Variants in PLCH1 observed in about 807,000 individuals in gnomAD.
PLCH1 encodes the protein phospholipase C eta 1.
A neutral mutation model predicts 126.7 loss-of-function variants in PLCH1; 60 were observed. The observed-to-expected ratio is 0.47, with a 90% CI of 0.38 to 0.59. The LOEUF (loss-of-function observed/expected upper bound fraction) is 0.59. Ranked by LOEUF, PLCH1 falls within the 20% of genes least tolerant of loss-of-function variation. PLCH1 has a pLI of 0.00. For synonymous variants in PLCH1, 719 were observed against 734.9 expected (o/e 0.98, Z 0.35); for missense variants, 1,723 against 2,040.0 (o/e 0.84, Z 2.99).
At chr3:155,486,344 C>CTCAT (rs1715089070) in intron 21 of PLCH1, 1 of 603,546 alleles carries the variant, frequency 1.7e-6, no homozygotes, top group South Asian at 2.0e-5. Flanking sequence ...TAGTCTTATG[C>CTCAT]TCATTCATTG....
chr3:155,735,058 AT>A (rs1749073028), intron 1 of PLCH1, among the ~76,000 whole-genome samples: 1 of 152,162 alleles, frequency 6.6e-6, no homozygotes, highest in Non-Finnish European at 1.5e-5. Flanking sequence ...AAATCCTATC[AT>A]TTGCAACATG....
intron 6 of PLCH1, among the ~76,000 whole-genome samples, chr3:155,581,749 CTTT>C (rs55649426): frequency 7.1e-6 from 1 of 141,508 alleles, no homozygotes. Context: ...CTCTTTTTTC[CTTT>C]TTTTTTTTTT....
chr3:155,503,540 T>C (rs1379604562), intron 13 of PLCH1, among the ~76,000 whole-genome samples: 1 of 151,532 alleles, frequency 6.6e-6, no homozygotes, highest in Non-Finnish European at 1.5e-5. Flanking sequence ...CTTCTGTCTT[T>C]TTTTTTTTTT....
chr3:155,510,831 G>T (rs1719348009), intron 12 of PLCH1, among the ~76,000 whole-genome samples: 1 of 94,072 alleles, frequency 1.1e-5, no homozygotes, highest in Non-Finnish European at 1.9e-5. Flanking sequence ...ACAATTATGT[G>T]TCTTGGAGTT....
rs777162033 is a variant in PLCH1 at position 155,482,233 on chromosome 3, T to C, written c.3793A>G (p.Thr1265Ala). Residue 1265 changes from threonine to alanine, a missense_variant, in exon 23 of 23, where the codon ACA (threonine) becomes GCA (alanine). Physicochemically the swap from Thr to Ala is moderately conservative, Grantham distance 58. Transcript: ENST00000460012. ...GGAGTGCAGGTAGTTTCATAAACTG[T>C]GTTCGTTGCATGTTTGGTGGTCTCA... Reference protein sequence around the residue: ...SSETTKHATNTVYETTCTPIS... With the variant: ...SSETTKHATNAVYETTCTPIS... The C allele has an allele frequency of 6.2e-7, 1 of 1,614,072 alleles. No homozygotes were observed. The highest frequency in any genetic ancestry group is 8.5e-7 in the Non-Finnish European group (1 of 1,180,032).
chr3:155,664,317 C>T (rs1320058732), intron 2 of PLCH1, among the ~76,000 whole-genome samples: 2 of 152,218 alleles, frequency 1.3e-5, no homozygotes, highest in East Asian at 3.8e-4. Context: ...AACTATAGGG[C>T]TCTAAAAAGA....
chr3:155,503,581 A>C (rs1304723839), intron 13 of PLCH1, among the ~76,000 whole-genome samples: 1 of 145,152 alleles, frequency 6.9e-6, no homozygotes, highest in Non-Finnish European at 1.5e-5. Flanking sequence ...CTTGTTGCCC[A>C]GGCTGGAGTG....
chr3:155,569,236 A>G (rs1728903716), intron 6 of PLCH1, among the ~76,000 whole-genome samples: 1 of 152,202 alleles, frequency 6.6e-6, no homozygotes, highest in Non-Finnish European at 1.5e-5. Context: ...ACAATCTAAC[A>G]TTGACATTTT....
chr3:155,568,472 T>A, intron 6 of PLCH1, 148 bp from the exon 7 acceptor site: 1 of 445,524 alleles, frequency 2.2e-6, no homozygotes, highest in East Asian at 3.5e-5. Context: ...TCACAGCTAT[T>A]TTATCTTTGG....
chr3:155,583,835 T>C (rs1198714847), intron 5 of PLCH1, among the ~76,000 whole-genome samples, 193 bp from the exon 6 acceptor site: 1 of 151,820 alleles, frequency 6.6e-6, no homozygotes. Context: ...CCAGAAAGTT[T>C]CAACAAATTA....
chr3:155,732,408 C>T (rs914527499), intron 1 of PLCH1, among the ~76,000 whole-genome samples: 5 of 151,358 alleles, frequency 3.3e-5, no homozygotes, highest in East Asian at 3.9e-4. Flanking sequence ...TAGATGAGGC[C>T]GGGTGCAGTG....
intron 17 of PLCH1, among the ~76,000 whole-genome samples, chr3:155,493,250 G>A (rs1234331493): frequency 6.6e-6 from 1 of 152,204 alleles, no homozygotes. Context: ...TGTGCAAAGT[G>A]TAAAATCTTG....
chr3:155,719,515 TA>T (rs1438011407), intron 1 of PLCH1, among the ~76,000 whole-genome samples: 1 of 151,604 alleles, frequency 6.6e-6, no homozygotes, highest in Non-Finnish European at 1.5e-5. Context: ...TAAAGTATAA[TA>T]AAAAAATTAA....
At chr3:155,673,964 A>T (rs962024476) in intron 2 of PLCH1, among the ~76,000 whole-genome samples, 3 of 152,218 alleles carry the variant, frequency 2.0e-5, no homozygotes, top group South Asian at 2.1e-4. Flanking sequence ...ACCATCTTAC[A>T]TATCTGGGGT....
chr3:155,470,045 C>A (rs1162077146), intron 21 of PLCH1, among the ~76,000 whole-genome samples: 1 of 152,172 alleles, frequency 6.6e-6, no homozygotes, highest in Admixed American at 6.5e-5. Flanking sequence ...GAACGCAGTT[C>A]CTCACCAGCA....
chr3:155,619,494 A>G (rs569281236), intron 2 of PLCH1, among the ~76,000 whole-genome samples: 33 of 105,464 alleles, frequency 3.1e-4, no homozygotes, highest in African/African-American at 1.5e-3. Context: ...AAAAACAGAA[A>G]AAGTAAAAAA....
Position 155,482,874 on chromosome 3 carries a change from G to A in PLCH1, c.3152C>T (p.Ser1051Leu). The A allele has an allele frequency of 1.9e-6, 3 of 1,614,140 alleles. No homozygotes were observed. The highest frequency in any genetic ancestry group is 2.5e-6 in the Non-Finnish European group (3 of 1,180,012). Residue 1051 changes from serine to leucine, a missense_variant, in exon 23 of 23, where the codon TCA (serine) becomes TTA (leucine). Physicochemically the swap from Ser to Leu is moderately radical, Grantham distance 145. Transcript: ENST00000460012. ...MSVTGEQLGM[S>L]SPRGGRTTSN... is the part of the protein sequence containing the mutation. ...TGTGGTTCTCCCACCCCTAGGACTTGACATGCCCAGCTGTTCTCCTGTGAC... is the reference window on the plus strand; with the variant it reads ...TGTGGTTCTCCCACCCCTAGGACTTAACATGCCCAGCTGTTCTCCTGTGAC...
At position 155,460,145 on chromosome 3, in the gene PLCH1, A is replaced by G. The variant is rs560537612; in HGVS notation, c.2938+25211T>C. ...TGATGAACATAGGATGATGCTGGACAGTATAATGGACAGTTGCAATTTCTA... is the reference window on the plus strand; with the variant it reads ...TGATGAACATAGGATGATGCTGGACGGTATAATGGACAGTTGCAATTTCTA... On this transcript the variant is annotated intron_variant, in intron 21 of 21. Transcript: ENST00000494598. 4.8e-4 allele frequency among the ~76,000 whole-genome samples: 73 copies of G among 152,342 alleles called. No homozygotes were observed. The South Asian group carries it at 0.015, about 31-fold the overall frequency.
chr3:155,546,779 G>T lies in PLCH1; in HGVS notation c.1362+3008C>A, dbSNP rs1371967811. 6.0e-5 allele frequency among the ~76,000 whole-genome samples: 9 copies of T among 149,778 alleles called. No individual in the cohort carries two copies. The East Asian group carries it at 1.6e-3, about 26-fold the overall frequency. ...TCTTTGACAAACCTGAGAAAAACAAGCAATGGGGAAAGGATTCCCTATTTA... is the reference window on the plus strand; with the variant it reads ...TCTTTGACAAACCTGAGAAAAACAATCAATGGGGAAAGGATTCCCTATTTA... On this transcript the variant is annotated intron_variant, in intron 10 of 22. Transcript: ENST00000460012.
Sources: allele counts gnomAD v4.1 joint callset (sites outside exome capture counted in the v4.1 genomes callset), GRCh38; gene constraint gnomAD v4.1.1; transcripts MANE v1.5; gene names NCBI Gene and HGNC (gene_info 2026-07-23, HGNC 2026-07-21).